Variants in FHIT observed in about 807,000 individuals in gnomAD.
FHIT encodes the protein bis(5'-adenosyl)-triphosphatase.
In FHIT, 19 loss-of-function variants were observed where a neutral mutation model predicts 17.9. That is an observed-to-expected ratio of 1.06 (90% confidence interval 0.74 to 1.56). FHIT has a LOEUF of 1.56. Ranked by LOEUF, FHIT falls within the 40% of genes most tolerant of loss-of-function variation. The pLI is 0.00. For missense variants in FHIT, 248 were observed against 189.2 expected (o/e 1.31, Z -1.82); for synonymous variants, 81 against 69.7 (o/e 1.16, Z -0.81).
intron 5 of FHIT, among the ~76,000 whole-genome samples, chr3:60,337,680 T>C (rs1315168483): frequency 6.6e-6 from 1 of 152,182 alleles, no homozygotes; most frequent in African/African-American, 2.4e-5. Context: ...CTGAGTTGCT[T>C]TGATAAACTG....
chr3:61,153,183 A>G (rs557922755), intron 2 of FHIT, among the ~76,000 whole-genome samples: 1 of 151,966 alleles, frequency 6.6e-6, no homozygotes, highest in East Asian at 1.9e-4. Context: ...TCCAAGTTCA[A>G]GTGATAGCAG....
intron 2 of FHIT, among the ~76,000 whole-genome samples, chr3:61,136,125 G>A (rs1261262314): frequency 6.6e-6 from 1 of 152,076 alleles, no homozygotes; most frequent in African/African-American, 2.4e-5. Context: ...ACCAGGTGAA[G>A]GAAAAGCAGA....
chr3:61,151,951 G>A (rs1245817300), intron 2 of FHIT, among the ~76,000 whole-genome samples: 9 of 152,142 alleles, frequency 5.9e-5, no homozygotes, highest in Admixed American at 5.9e-4. Flanking sequence ...AATTCATTAT[G>A]TCTTCAAGTA....
intron 8 of FHIT, among the ~76,000 whole-genome samples, chr3:59,897,795 C>G (rs1343423988): frequency 6.7e-6 from 1 of 148,694 alleles, no homozygotes; most frequent in African/African-American, 2.5e-5. Context: ...GAGAGGGAAT[C>G]TCACCCTGTT....
In FHIT at chr3:60,359,253, A is replaced by G. The variant is rs139060068; in HGVS notation, c.103+177607T>C. ...TGAGAAAATTAGATTTCCAAAATAT[A>G]TTATTACTTGAATATGAAAATATCT... On this transcript the variant is annotated intron_variant, in intron 5 of 9. Transcript: ENST00000492590. 4.8e-5 allele frequency among the ~76,000 whole-genome samples: 7 copies of G among 146,996 alleles called. No homozygotes were observed. The East Asian group carries it at 8.0e-4, about 17-fold the overall frequency.
intron 8 of FHIT, among the ~76,000 whole-genome samples, chr3:59,906,117 T>C (rs1030995256): frequency 1.3e-5 from 2 of 152,238 alleles, no homozygotes; most frequent in African/African-American, 4.8e-5. Flanking sequence ...TTGTGTATTC[T>C]GGCATTGCGT....
chr3:61,121,325 G>C lies in FHIT; in HGVS notation c.-163-79226C>G, dbSNP rs1287118490. Among the ~76,000 whole-genome samples, 3 of 152,170 alleles carry C rather than the reference G, an allele frequency of 2.0e-5. No individual in the cohort carries two copies. In the East Asian group the frequency reaches 5.8e-4, roughly 29 times the overall value. On this transcript the variant is annotated intron_variant, in intron 2 of 9. Coordinates refer to ENST00000492590, the MANE Select transcript of FHIT (RefSeq NM_002012.4). ...ACCAAAGTTGAAATGAAAGAAAAATGTTAAGGGCAGTCAGAGAGAAAGGTC... is the reference window on the plus strand; with the variant it reads ...ACCAAAGTTGAAATGAAAGAAAAATCTTAAGGGCAGTCAGAGAGAAAGGTC...
intron 5 of FHIT, among the ~76,000 whole-genome samples, chr3:60,097,594 A>G (rs72880867): frequency 0.03 from 4,590 of 152,252 alleles, 232 homozygotes; most frequent in African/African-American, 0.1. Flanking sequence ...TGTGAAGACG[A>G]TAAGGATGAA....
At chr3:61,130,335 C>T (rs1046804098) in intron 2 of FHIT, among the ~76,000 whole-genome samples, 3 of 152,136 alleles carry the variant, frequency 2.0e-5, no homozygotes, top group Non-Finnish European at 4.4e-5. Flanking sequence ...CTGCTCAGTG[C>T]CGAAAAGATT....
At chr3:60,572,570 C>T (rs910187563) in intron 4 of FHIT, among the ~76,000 whole-genome samples, 4 of 152,118 alleles carry the variant, frequency 2.6e-5, no homozygotes, top group Non-Finnish European at 4.4e-5. Flanking sequence ...ACTCTATCTA[C>T]AGATCATCCT....
intron 3 of FHIT, among the ~76,000 whole-genome samples, chr3:60,899,935 C>A (rs1706022118): frequency 6.6e-6 from 1 of 152,310 alleles, no homozygotes. Context: ...TCTCTCTGAA[C>A]ACTGCATACC....
Position 60,027,148 on chromosome 3 carries a change from C to CACAGACAAAAA in FHIT, c.104-12997_104-12996insTTTTTGTCTGT, listed in dbSNP as rs1553654525. ...ACACACACACACACACACACACACA[C>CACAGACAAAAA]AAAATTAGTAAACCCAATAATCCAC... is the stretch of plus-strand genomic sequence containing the variant. On this transcript the variant is annotated intron_variant, in intron 5 of 9. Transcript: ENST00000492590. Among the ~76,000 whole-genome samples, 301 of 125,840 alleles carry CACAGACAAAAA rather than the reference C, an allele frequency of 2.4e-3. 7 individuals are homozygous for CACAGACAAAAA. Among genetic ancestry groups the CACAGACAAAAA allele is most frequent in the African/African-American group, 7.6e-3 (280 of 36,948 alleles). 82.6% of individuals were successfully genotyped at this position (125,840 alleles called of 152,430 possible).
intron 8 of FHIT, among the ~76,000 whole-genome samples, chr3:59,827,852 T>G (rs956498584): frequency 6.6e-6 from 1 of 152,240 alleles, no homozygotes; most frequent in African/African-American, 2.4e-5. Flanking sequence ...AATTAATGCA[T>G]GTTGGATTGC....
chr3:59,973,995 A>AAC lies in FHIT; in HGVS notation c.279+37375_279+37376insGT, dbSNP rs201869615. ...AGGGGATAAAGAAAAGAAAAAAAAA[A>AAC]CCCACAAAACTAGTTTGTGCCACAT... On this transcript the variant is annotated intron_variant, in intron 7 of 9. Transcript: ENST00000492590. Among the ~76,000 whole-genome samples, 37 of 151,624 alleles carry AAC rather than the reference A, an allele frequency of 2.4e-4. No homozygotes were observed. The South Asian group carries it at 5.0e-3, about 21-fold the overall frequency.
intron 2 of FHIT, among the ~76,000 whole-genome samples, chr3:61,069,535 C>T (rs564573451): frequency 6.6e-6 from 1 of 152,108 alleles, no homozygotes; most frequent in Non-Finnish European, 1.5e-5. Flanking sequence ...AGTTACTAAC[C>T]AGAGTCAGTA....
At chr3:60,428,628 C>G (rs950369893) in intron 5 of FHIT, among the ~76,000 whole-genome samples, 4 of 152,116 alleles carry the variant, frequency 2.6e-5, no homozygotes, top group African/African-American at 9.7e-5. Context: ...GGAAACTTGA[C>G]AGCATAAAGG....
chr3:60,206,975 C>T (rs1322044062), intron 5 of FHIT, among the ~76,000 whole-genome samples: 2 of 152,082 alleles, frequency 1.3e-5, no homozygotes, highest in Non-Finnish European at 2.9e-5. Flanking sequence ...ACTAGACCCA[C>T]CTCAAAAGGA....
intron 2 of FHIT, among the ~76,000 whole-genome samples, chr3:61,065,770 A>C: frequency 6.6e-6 from 1 of 152,008 alleles, no homozygotes; most frequent in Non-Finnish European, 1.5e-5. Flanking sequence ...AAAAAAAATG[A>C]ACGGAAGCTT....
intron 7 of FHIT, among the ~76,000 whole-genome samples, chr3:59,931,279 C>A (rs956863232): frequency 6.6e-6 from 1 of 152,160 alleles, no homozygotes; most frequent in African/African-American, 2.4e-5. Context: ...CCATCACCAA[C>A]CCCAAAGCTG....
Sources: gnomAD v4.1 joint callset for allele counts (sites outside exome capture counted in the v4.1 genomes callset) on GRCh38, gnomAD v4.1.1 for gene constraint, MANE v1.5 for transcripts, NCBI Gene and HGNC (gene_info 2026-07-23, HGNC 2026-07-21) for gene names.